DIAPH2: variants seen among roughly 807,000 people sequenced by gnomAD.
DIAPH2 encodes the protein protein diaphanous homolog 2.
In DIAPH2, 35 loss-of-function variants were observed where a neutral mutation model predicts 92.7. The observed-to-expected ratio is 0.38, with a 90% CI of 0.29 to 0.50. The LOEUF is 0.50. Ranked by LOEUF, DIAPH2 falls within the 20% of genes least tolerant of loss-of-function variation. The pLI is 0.94. For synonymous variants in DIAPH2, 301 were observed against 280.4 expected (o/e 1.07, Z -0.73); for missense variants, 701 against 819.5 (o/e 0.86, Z 1.77).
rs1454466996 is a variant in DIAPH2, at chrX:96,918,514, A to G, written c.875A>G (p.Asp292Gly). 8.4e-7 allele frequency: 1 copy of G among 1,185,645 alleles called. No individual in the cohort carries two copies. The highest frequency in any genetic ancestry group is 1.1e-6 in the Non-Finnish European group (1 of 876,678). Reference sequence around the variant, plus strand: ...TTCTTCTTTTTTCTCTACAGTCTAGATAAACTTTTAGGGGCTATAACAACA... The same window carrying G: ...TTCTTCTTTTTTCTCTACAGTCTAGGTAAACTTTTAGGGGCTATAACAACA... ...ICIVGEENIL[D>G]KLLGAITTAA... is the part of the protein sequence containing the mutation. The change falls in exon 9 of 27, where the codon GAT becomes GGT. Residue 292 changes from aspartate to glycine, a missense_variant. This residue lies in a region of DIAPH2 where 536 missense variants were observed against 599.3 expected (regional missense o/e 0.89). Transcript: ENST00000324765.
chrX:96,727,742 G>A (rs2064028605), intron 1 of DIAPH2, among the ~76,000 whole-genome samples: 1 of 111,573 alleles, frequency 9.0e-6, no homozygotes, highest in Admixed American at 9.5e-5. Flanking sequence ...AGACAGTTAA[G>A]GTCTCTACTG....
intron 22 of DIAPH2, among the ~76,000 whole-genome samples, chrX:97,210,425 G>C (rs2067830797): frequency 1.8e-5 from 2 of 111,293 alleles, no homozygotes; most frequent in Non-Finnish European, 3.8e-5. Context: ...TCTGTTATAG[G>C]AAAATGTCTT....
intron 9 of DIAPH2, among the ~76,000 whole-genome samples, chrX:96,923,616 G>A (rs2065560993): frequency 9.0e-6 from 1 of 111,537 alleles, no homozygotes; most frequent in Non-Finnish European, 1.9e-5. Flanking sequence ...TAGAAGTGCA[G>A]GTTGGAAGGT....
chrX:97,415,711 G>T (rs951089609), intron 25 of DIAPH2, among the ~76,000 whole-genome samples: 5 of 107,627 alleles, frequency 4.6e-5, no homozygotes, highest in Non-Finnish European at 7.7e-5. Flanking sequence ...TGTGGGGTGG[G>T]GGGCAGGGGG....
chrX:97,039,768 C>T lies in DIAPH2; in HGVS notation c.2051-33173C>T, dbSNP rs189887060. 1.1e-3 allele frequency among the ~76,000 whole-genome samples: 117 copies of T among 111,275 alleles called. 1 individual carries two copies. Among genetic ancestry groups the T allele is most frequent in the Admixed American group, 9.7e-3 (101 of 10,460 alleles). ...ACTTGCATGTCTTGTAATGGTAAAG[C>T]AATACGTGGAAGGTATTCAAGTTTC... On this transcript the variant is annotated intron_variant, in intron 17 of 26. Transcript: ENST00000324765.
rs2071580507 is a variant in DIAPH2 at position 97,599,707 on chromosome X, G to C, written c.*390G>C. ...AAAACAAAAGAGAAGAAAAAGAATAGAAAGAATTATCCAGTGTCAGCTTCC... is the reference window on the plus strand; with the variant it reads ...AAAACAAAAGAGAAGAAAAAGAATACAAAGAATTATCCAGTGTCAGCTTCC... On this transcript the variant is annotated 3_prime_UTR_variant, in exon 27 of 27. Transcript: ENST00000324765. 1.6e-5 allele frequency: 2 copies of C among 125,207 alleles called. No individual in the cohort carries two copies. The highest frequency in any genetic ancestry group is 3.2e-5 in the African/African-American group (1 of 30,973). The allele number at this position is 125,207 out of a possible 1,213,427, so 10.3% of individuals were successfully genotyped here.
At chrX:97,371,194 T>C (rs1454126086) in intron 24 of DIAPH2, among the ~76,000 whole-genome samples, 4 of 111,199 alleles carry the variant, frequency 3.6e-5, no homozygotes, top group Non-Finnish European at 3.8e-5. Context: ...TGTAGGCAAA[T>C]TAGTCTCTAT....
At chrX:96,704,432 T>C (rs2147527877) in intron 1 of DIAPH2, among the ~76,000 whole-genome samples, 1 of 112,065 alleles carries the variant, frequency 8.9e-6, no homozygotes, top group East Asian at 2.8e-4. Flanking sequence ...TCCCCCTTGC[T>C]ACTGATGTTG....
At chrX:97,271,813 G>GCGCACACACACA (rs1556014792) in intron 23 of DIAPH2, among the ~76,000 whole-genome samples, 1 of 91,542 alleles carries the variant, frequency 1.1e-5, no homozygotes, top group African/African-American at 4.0e-5. Flanking sequence ...ATATATATAT[G>GCGCACACACACA]CACACACACA....
At chrX:97,092,246 A>G (rs1235259649) in intron 19 of DIAPH2, among the ~76,000 whole-genome samples, 1 of 112,594 alleles carries the variant, frequency 8.9e-6, no homozygotes, top group Non-Finnish European at 1.9e-5. Context: ...ATCTGAAGAT[A>G]TTTTTAAAGA....
At chrX:97,280,365 C>T (rs2068487100) in intron 23 of DIAPH2, among the ~76,000 whole-genome samples, 1 of 110,104 alleles carries the variant, frequency 9.1e-6, no homozygotes, top group African/African-American at 3.3e-5. Flanking sequence ...GTGGTCCCAA[C>T]TACTCGGGAA....
intron 26 of DIAPH2, among the ~76,000 whole-genome samples, chrX:97,438,382 T>TC (rs1490965689): frequency 1.1e-5 from 1 of 92,488 alleles, no homozygotes; most frequent in African/African-American, 4.1e-5. Context: ...TTTTTTTTTT[T>TC]TGAGACAGGG....
chrX:97,178,298 C>T (rs763312543), intron 22 of DIAPH2, among the ~76,000 whole-genome samples: 18 of 110,004 alleles, frequency 1.6e-4, no homozygotes, highest in African/African-American at 4.6e-4. Flanking sequence ...AAATAGAAAA[C>T]GGTATTAGCG....
intron 23 of DIAPH2, among the ~76,000 whole-genome samples, chrX:97,280,203 G>A (rs1005058902): frequency 9.0e-6 from 1 of 110,846 alleles, no homozygotes; most frequent in African/African-American, 3.3e-5. Context: ...AGCCGGGCGC[G>A]GTGGCTCACG....
intron 1 of DIAPH2, among the ~76,000 whole-genome samples, chrX:96,701,187 A>G (rs1894055790): frequency 9.0e-6 from 1 of 111,538 alleles, no homozygotes. Context: ...TGGCCATATT[A>G]ACAATTGTCC....
At chrX:97,525,852 C>T (rs758799578) in intron 26 of DIAPH2, among the ~76,000 whole-genome samples, 16 of 112,077 alleles carry the variant, frequency 1.4e-4, no homozygotes, top group African/African-American at 5.2e-4. Context: ...ACACAGGGAG[C>T]ATCTGGGGCT....
chrX:96,710,396 T>C (rs1450468255), intron 1 of DIAPH2, among the ~76,000 whole-genome samples: 1 of 111,651 alleles, frequency 9.0e-6, no homozygotes, highest in Non-Finnish European at 1.9e-5. Context: ...TTTTTAATGA[T>C]TGTATGTATA....
chrX:96,739,969 T>TA (rs751876297), intron 3 of DIAPH2, among the ~76,000 whole-genome samples: 9 of 112,422 alleles, frequency 8.0e-5, no homozygotes, highest in African/African-American at 2.9e-4. Context: ...TTTCAACTAT[T>TA]ACGCTAATAG....
At chrX:97,063,804 A>G (rs958996429) in intron 17 of DIAPH2, among the ~76,000 whole-genome samples, 2 of 112,341 alleles carry the variant, frequency 1.8e-5, no homozygotes, top group African/African-American at 6.5e-5. Context: ...AAGGAATCAG[A>G]CATTTATTGA....
Sources: allele counts gnomAD v4.1 joint callset (sites outside exome capture counted in the v4.1 genomes callset), GRCh38; gene constraint gnomAD v4.1.1; regional missense constraint gnomAD v4.1.1; transcripts MANE v1.5; gene names NCBI Gene and HGNC (gene_info 2026-07-23, HGNC 2026-07-21).